Variants in WDFY2 observed in about 807,000 individuals in gnomAD.
WDFY2 encodes WD repeat and FYVE domain-containing protein 2.
WDFY2 carries 36 observed loss-of-function variants against 56.4 expected under a neutral mutation model. That is an observed-to-expected ratio of 0.64 (90% CI 0.49 to 0.84). The LOEUF (loss-of-function observed/expected upper bound fraction) is 0.84. Ranked by LOEUF, WDFY2 falls within the 40% of genes least tolerant of loss-of-function variation. WDFY2 has a pLI of 0.00. For synonymous variants in WDFY2, 176 were observed against 183.7 expected (o/e 0.96, Z 0.34); for missense variants, 444 against 512.2 (o/e 0.87, Z 1.29).
At chr13:51,605,778 TGA>T (rs1233500573) in intron 1 of WDFY2, among the ~76,000 whole-genome samples, 2 of 152,332 alleles carry the variant, frequency 1.3e-5, no homozygotes, top group South Asian at 4.1e-4. Context: ...TTGGTGCATC[TGA>T]GAGAGCATAT....
intron 1 of WDFY2, among the ~76,000 whole-genome samples, chr13:51,657,221 A>G (rs1955525689): frequency 6.6e-6 from 1 of 151,688 alleles, no homozygotes; most frequent in East Asian, 1.9e-4. Context: ...CTCTGTTCCT[A>G]CCCCTTTTGT....
chr13:51,608,912 C>T (rs1039091571), intron 1 of WDFY2, among the ~76,000 whole-genome samples: 3 of 151,846 alleles, frequency 2.0e-5, no homozygotes, highest in African/African-American at 4.8e-5. Flanking sequence ...TTCTTTTCGC[C>T]TTTTTCTGTT....
In WDFY2 at chr13:51,584,557, C is replaced by T; in HGVS notation, c.-131C>T. 1.5e-6 allele frequency: 2 copies of T among 1,296,278 alleles called. No homozygotes were observed. The highest frequency in any genetic ancestry group is 1.5e-5 in the African/African-American group (1 of 66,624). 80.3% of individuals were successfully genotyped at this position (1,296,278 alleles called of 1,614,324 possible). On this transcript the variant is annotated 5_prime_UTR_variant, in exon 1 of 12. Transcript: ENST00000298125. The stretch of plus-strand genomic sequence containing the variant: ...CCGAGAGAGGCGGCCAGGCTATGCT[C>T]GCCGGTTTCCGGCGTTCCGCTCCGG...
chr13:51,681,260 T>C (rs1015744399), intron 3 of WDFY2, among the ~76,000 whole-genome samples: 1 of 152,210 alleles, frequency 6.6e-6, no homozygotes, highest in Admixed American at 6.5e-5. Context: ...CTCTCACTCA[T>C]CAGTCATCAT....
chr13:51,755,426 AAT>A lies in WDFY2; in HGVS notation c.901_902del (p.Met301ValfsTer4). 2 of 1,614,212 alleles carry A rather than the reference AAT, an allele frequency of 1.2e-6. No individual in the cohort carries two copies. The highest frequency in any genetic ancestry group is 1.7e-6 in the Non-Finnish European group (2 of 1,180,032). ...DQPFFWNFKQ[M>X]WDSKKIGLRQ... ...AGCCTTTCTTCTGGAACTTCAAGCA[AAT>A]GTGGGACAGTAAGAAAATTGGTCTA... On this transcript the variant is annotated frameshift_variant, in exon 9 of 12. Coordinates refer to ENST00000298125, the MANE Select transcript of WDFY2 (RefSeq NM_052950.4). LOFTEE classifies it high-confidence loss of function.
At chr13:51,754,729 G>C (rs1953325254) in intron 8 of WDFY2, among the ~76,000 whole-genome samples, 1 of 152,168 alleles carries the variant, frequency 6.6e-6, no homozygotes, top group Non-Finnish European at 1.5e-5. Flanking sequence ...TTTGTATACA[G>C]TAATTTGCAG....
At chr13:51,611,017 T>C (rs1954492409) in intron 1 of WDFY2, among the ~76,000 whole-genome samples, 1 of 152,172 alleles carries the variant, frequency 6.6e-6, no homozygotes, top group African/African-American at 2.4e-5. Flanking sequence ...AAACCAAAGT[T>C]ATTGGAATTA....
At chr13:51,758,344 T>C in intron 11 of WDFY2, 44 bp downstream of exon 11, 2 of 1,433,252 alleles carry the variant, frequency 1.4e-6, no homozygotes, top group Non-Finnish European at 9.7e-7. Context: ...TTTGGCCTCA[T>C]ATAAATATAC....
chr13:51,714,055 G>A (rs1952288614), intron 4 of WDFY2, among the ~76,000 whole-genome samples: 1 of 152,018 alleles, frequency 6.6e-6, no homozygotes, highest in African/African-American at 2.4e-5. Flanking sequence ...TTATACAACA[G>A]TGTGAATGTA....
intron 1 of WDFY2, among the ~76,000 whole-genome samples, chr13:51,596,721 G>A (rs1045135063): frequency 7.2e-5 from 11 of 152,298 alleles, no homozygotes; most frequent in African/African-American, 2.4e-4. Context: ...ATTGGTTACA[G>A]ATTGCTACAT....
chr13:51,595,755 G>A (rs749478242), intron 1 of WDFY2, among the ~76,000 whole-genome samples: 11 of 152,156 alleles, frequency 7.2e-5, no homozygotes, highest in Non-Finnish European at 1.5e-4. Flanking sequence ...TTAGATGTGG[G>A]CCAAGGGAGG....
In WDFY2 at chr13:51,693,667, G is replaced by C. The variant is rs879258624; in HGVS notation, c.280-9929G>C. 5.0e-3 allele frequency among the ~76,000 whole-genome samples: 757 copies of C among 150,938 alleles called. 5 individuals are homozygous for C. The highest frequency in any genetic ancestry group is 0.014 in the African/African-American group (599 of 41,428). On this transcript the variant is annotated intron_variant, in intron 3 of 11. Transcript: ENST00000298125. ...AAAAAAATGTATATTCTGTTGATTT[G>C]GGGTGGAGAGTTCTGTAGATGTCTA...
intron 9 of WDFY2, among the ~76,000 whole-genome samples, 158 bp downstream of exon 9, chr13:51,755,617 A>G (rs1953355330): frequency 1.3e-5 from 2 of 152,120 alleles, no homozygotes; most frequent in Admixed American, 1.3e-4. Flanking sequence ...TCTGTCTACC[A>G]TAGCCCATTC....
chr13:51,730,655 C>T (rs1952704162), intron 6 of WDFY2, among the ~76,000 whole-genome samples: 1 of 152,216 alleles, frequency 6.6e-6, no homozygotes, highest in Non-Finnish European at 1.5e-5. Context: ...GCAGCCCACT[C>T]CAAGGAAGTG....
chr13:51,600,985 G>A (rs1446233971), intron 1 of WDFY2, among the ~76,000 whole-genome samples: 4 of 152,094 alleles, frequency 2.6e-5, no homozygotes, highest in South Asian at 2.1e-4. Flanking sequence ...CTCTTTTCCT[G>A]TAGTGAATAT....
chr13:51,682,901 G>A lies in WDFY2; in HGVS notation c.279+7658G>A, dbSNP rs114991469. Among the ~76,000 whole-genome samples, 758 of 152,214 alleles carry A rather than the reference G, an allele frequency of 5.0e-3. 5 individuals carry two copies. Among genetic ancestry groups the A allele is most frequent in the African/African-American group, 0.014 (597 of 41,518 alleles). On this transcript the variant is annotated intron_variant, in intron 3 of 11. Coordinates refer to ENST00000298125, the MANE Select transcript of WDFY2 (RefSeq NM_052950.4). ...GTCTTAGTCATGGCATATTCCTTAG[G>A]ACTATTCAACTTATTTCTGGTCCCA...
At chr13:51,721,270 G>GT (rs751566709) in intron 5 of WDFY2, among the ~76,000 whole-genome samples, 56 of 151,904 alleles carry the variant, frequency 3.7e-4, no homozygotes, top group Non-Finnish European at 4.6e-4. Flanking sequence ...TTGGACTCCT[G>GT]TTTTTTTCCC....
intron 3 of WDFY2, among the ~76,000 whole-genome samples, chr13:51,684,799 C>T (rs1729533265): frequency 1.3e-5 from 2 of 152,124 alleles, no homozygotes; most frequent in Non-Finnish European, 2.9e-5. Context: ...CCCAAGAGTA[C>T]TTTTGAAATT....
At chr13:51,592,319 A>G (rs947625718) in intron 1 of WDFY2, 4 of 152,202 alleles carry the variant, frequency 2.6e-5, no homozygotes, top group African/African-American at 9.7e-5. Context: ...TCACGCCTGT[A>G]ATCCCAGCAC....
Sources: allele counts gnomAD v4.1 joint callset (sites outside exome capture counted in the v4.1 genomes callset), GRCh38; gene constraint gnomAD v4.1.1; transcripts MANE v1.5; gene names NCBI Gene and HGNC (gene_info 2026-07-23, HGNC 2026-07-21).